The following UBE2E2 variants were observed in gnomAD, a reference collection of about 807,000 sequenced individuals.
The protein encoded by UBE2E2 is ubiquitin conjugating enzyme E2 E2, also known as ubiquitin-conjugating enzyme E2 E2.
UBE2E2 carries 6 observed loss-of-function variants against 24.7 expected under a neutral mutation model. The observed-to-expected ratio is 0.24, with a 90% CI of 0.13 to 0.48. The LOEUF (loss-of-function observed/expected upper bound fraction) is 0.48. Ranked by LOEUF, UBE2E2 falls within the 20% of genes least tolerant of loss-of-function variation. The probability of loss-of-function intolerance (pLI) is 0.99; values close to 1 mark genes in which losing one functional copy is unlikely to be tolerated. For synonymous variants in UBE2E2, 104 were observed against 83.6 expected, an observed-to-expected ratio of 1.24 and a Z score of -1.33; for missense variants, 169 against 245.0, an observed-to-expected ratio of 0.69 and a Z score of 2.07.
chr3:23,522,826 T>G (rs936167705), intron 4 of UBE2E2, among the ~76,000 whole-genome samples: 2 of 152,188 alleles, frequency 1.3e-5, no homozygotes, highest in Admixed American at 1.3e-4. Context: ...TAGTGTTACC[T>G]GAGGCCCATG....
At chr3:23,341,780 A>G (rs1352619141) in intron 3 of UBE2E2, among the ~76,000 whole-genome samples, 2 of 152,112 alleles carry the variant, frequency 1.3e-5, no homozygotes, top group Non-Finnish European at 2.9e-5. Context: ...TGCTTGCAAA[A>G]GTATCTGGCC....
At chr3:23,272,726 G>C (rs975158672) in intron 3 of UBE2E2, among the ~76,000 whole-genome samples, 1 of 152,158 alleles carries the variant, frequency 6.6e-6, no homozygotes, top group Admixed American at 6.5e-5. Flanking sequence ...CAATTATGGA[G>C]ACCAAGTGCC....
chr3:23,324,067 G>A (rs1157106837), intron 3 of UBE2E2, among the ~76,000 whole-genome samples: 1 of 152,074 alleles, frequency 6.6e-6, no homozygotes, highest in African/African-American at 2.4e-5. Context: ...CCTGTTTCTG[G>A]AATAACTGTG....
At chr3:23,305,228 T>C (rs937556104) in intron 3 of UBE2E2, among the ~76,000 whole-genome samples, 24 of 152,228 alleles carry the variant, frequency 1.6e-4, no homozygotes, top group Admixed American at 1.2e-3. Flanking sequence ...TTGTCCATCA[T>C]TGTTTCAATT....
intron 5 of UBE2E2, among the ~76,000 whole-genome samples, chr3:23,539,270 C>G (rs1045720341): frequency 3.3e-5 from 5 of 152,300 alleles, no homozygotes; most frequent in Non-Finnish European, 7.4e-5. Flanking sequence ...GGAGCATTAA[C>G]TGTTTATTCT....
intron 3 of UBE2E2, among the ~76,000 whole-genome samples, chr3:23,307,580 T>C (rs1480160308): frequency 2.0e-5 from 3 of 152,188 alleles, no homozygotes; most frequent in African/African-American, 7.2e-5. Flanking sequence ...AATGAAAGCA[T>C]CTAGACAGTA....
At chr3:23,418,319 G>A (rs1009202515) in intron 3 of UBE2E2, among the ~76,000 whole-genome samples, 1 of 152,150 alleles carries the variant, frequency 6.6e-6, no homozygotes, top group African/African-American at 2.4e-5. Context: ...GCGAGTTCCT[G>A]GACTCCATGT....
intron 5 of UBE2E2, among the ~76,000 whole-genome samples, chr3:23,576,561 CTATT>C (rs1424430186): frequency 6.6e-6 from 1 of 152,202 alleles, no homozygotes; most frequent in Non-Finnish European, 1.5e-5. Flanking sequence ...ATGATGCAAT[CTATT>C]TATAATGCTA....
At chr3:23,571,950 G>C (rs199882080) in intron 5 of UBE2E2, among the ~76,000 whole-genome samples, 1 of 152,122 alleles carries the variant, frequency 6.6e-6, no homozygotes, top group African/African-American at 2.4e-5. Flanking sequence ...CATGTTTTAT[G>C]TTGGACTCCT....
chr3:23,489,102 G>A (rs76280470), intron 3 of UBE2E2, among the ~76,000 whole-genome samples: 4,415 of 152,262 alleles, frequency 0.029, 109 homozygotes, highest in East Asian at 0.13. Context: ...TAGAATTAGA[G>A]CAGTGGTCCC....
At chr3:23,571,567 C>G (rs1204846817) in intron 5 of UBE2E2, among the ~76,000 whole-genome samples, 1 of 151,982 alleles carries the variant, frequency 6.6e-6, no homozygotes, top group Non-Finnish European at 1.5e-5. Context: ...GGATTACAGG[C>G]GTGAGCCATC....
At chr3:23,367,486 C>T (rs1032109148) in intron 3 of UBE2E2, among the ~76,000 whole-genome samples, 21 of 152,086 alleles carry the variant, frequency 1.4e-4, no homozygotes, top group African/African-American at 2.4e-4. Flanking sequence ...CATAATAACT[C>T]GAAGGGTTTG....
At chr3:23,249,071 G>GACCA (rs1340419363) in intron 3 of UBE2E2, among the ~76,000 whole-genome samples, 2 of 152,112 alleles carry the variant, frequency 1.3e-5, no homozygotes, top group Non-Finnish European at 2.9e-5. Flanking sequence ...AGGAGTTTGA[G>GACCA]ACCAGCCTGG....
chr3:23,396,370 TAA>T (rs1330681369), intron 3 of UBE2E2, among the ~76,000 whole-genome samples: 1 of 148,092 alleles, frequency 6.8e-6, no homozygotes, highest in East Asian at 1.9e-4. Flanking sequence ...CTATATAAAA[TAA>T]AAAATTATAT....
intron 3 of UBE2E2, among the ~76,000 whole-genome samples, chr3:23,346,170 A>G (rs992246475): frequency 1.3e-5 from 2 of 152,212 alleles, no homozygotes; most frequent in Admixed American, 1.3e-4. Context: ...GTGAAAGACA[A>G]ACTCAGAGCC....
chr3:23,491,084 A>C (rs1023458643), intron 3 of UBE2E2, among the ~76,000 whole-genome samples: 2 of 152,224 alleles, frequency 1.3e-5, no homozygotes, highest in African/African-American at 4.8e-5. Flanking sequence ...AGTTTAGTGT[A>C]TGAAATGGGT....
chr3:23,479,708 C>G (rs1029881749), intron 3 of UBE2E2, among the ~76,000 whole-genome samples: 44 of 152,168 alleles, frequency 2.9e-4, no homozygotes, highest in Non-Finnish European at 5.7e-4. Flanking sequence ...CTCAGGAGAC[C>G]TGAAATGTGT....
chr3:23,284,959 A>AT, intron 3 of UBE2E2, among the ~76,000 whole-genome samples: 1 of 139,164 alleles, frequency 7.2e-6, no homozygotes, highest in East Asian at 2.1e-4. Flanking sequence ...TGTTGGAAAA[A>AT]AAAATATATA....
chr3:23,271,884 T>G (rs1698252648), intron 3 of UBE2E2, among the ~76,000 whole-genome samples: 1 of 152,076 alleles, frequency 6.6e-6, no homozygotes, highest in Non-Finnish European at 1.5e-5. Flanking sequence ...AGACACAGAG[T>G]GCTGATTGGT....
Sources: allele counts gnomAD v4.1 joint callset (sites outside exome capture counted in the v4.1 genomes callset), GRCh38; gene constraint gnomAD v4.1.1; transcripts MANE v1.5; gene names NCBI Gene and HGNC (gene_info 2026-07-23, HGNC 2026-07-21).